The following PML variants were observed in gnomAD, a reference collection of about 807,000 sequenced individuals.
PML encodes the protein protein PML.
Under a neutral mutation model 65.2 loss-of-function variants are expected in PML, and 28 were observed. The ratio of observed to expected loss-of-function variants is 0.43; its 90% confidence interval spans 0.32 to 0.59. The LOEUF is 0.59. Among genes scored for constraint, PML ranks in the 20% least tolerant of loss-of-function variants. PML has a pLI of 0.08. For missense variants in PML, 1,021 were observed against 1,203.4 expected (o/e 0.85, Z 2.24); for synonymous variants, 500 against 508.8 (o/e 0.98, Z 0.23).
chr15:74,025,092 A>G lies in PML; in HGVS notation c.1254+165A>G, dbSNP rs1595904348. The G allele has an allele frequency of 6.3e-6, 4 of 637,742 alleles. No homozygotes were observed. The East Asian group carries it at 1.1e-4, about 18-fold the overall frequency. The allele number at this position is 637,742 out of a possible 1,614,324, so 39.5% of individuals were successfully genotyped here. ...AGGAAGTAAAGGAAGACATTAAAGAAGGGTTGGCTGGCTAGCTGGCTCTGA... is the reference window on the plus strand; with the variant it reads ...AGGAAGTAAAGGAAGACATTAAAGAGGGGTTGGCTGGCTAGCTGGCTCTGA... On this transcript the variant is annotated intron_variant, in intron 4 of 8. Coordinates refer to ENST00000268058, the MANE Select transcript of PML (RefSeq NM_033238.3).
intron 2 of PML, among the ~76,000 whole-genome samples, chr15:74,020,591 T>A (rs1006550782): frequency 6.6e-6 from 1 of 152,192 alleles, no homozygotes; most frequent in Admixed American, 6.5e-5. Flanking sequence ...GGTTTTTATA[T>A]TTTCTTTCGC....
intron 7 of PML, chr15:74,036,104 G>A: frequency 6.2e-7 from 1 of 1,613,240 alleles, no homozygotes; most frequent in Non-Finnish European, 8.5e-7. Context: ...GCTATGCATG[G>A]ACCTCTGGGC....
chr15:74,045,130 C>A lies in PML; in HGVS notation c.*122C>A. The A allele has an allele frequency of 1.1e-6, 1 of 899,194 alleles. No homozygotes were observed. The highest frequency in any genetic ancestry group is 1.7e-6 in the Non-Finnish European group (1 of 605,040). The allele number at this position is 899,194 out of a possible 1,614,324, so 55.7% of individuals were successfully genotyped here. A position where few individuals can be genotyped will look rare whatever the true frequency, so the allele number is the denominator to read the frequency against. On this transcript the variant is annotated 3_prime_UTR_variant, in exon 9 of 9. Transcript: ENST00000268058. ...CCCAGCCCTCAGTTGTCATTTGGTT[C>A]AGAATCAGTTCCCTTTCTCTGGGAC... is the stretch of plus-strand genomic sequence containing the variant.
In PML at chr15:74,035,907, C is replaced by A. The variant is rs1377238602; in HGVS notation, c.1710+1377C>A. On this transcript the variant is annotated intron_variant, in intron 7 of 8. Transcript: ENST00000268058. The surrounding 1 kb of genome is among the most constrained non-coding windows in gnomAD (Gnocchi z 4.1). ...CCCACCACCCTGTGCCCCAGAAAGG[C>A]CCCCCATCAGCCCAGTCCCAGGCGC... The A allele has an allele frequency of 6.2e-7, 1 of 1,613,614 alleles. No individual in the cohort carries two copies. Among genetic ancestry groups the A allele is most frequent in the African/African-American group, 1.3e-5 (1 of 74,900 alleles).
rs970817668 is a variant in PML at position 74,004,128 on chromosome 15, G to A, written c.602+5652G>A. Among the ~76,000 whole-genome samples, 4 of 151,960 alleles carry A rather than the reference G, an allele frequency of 2.6e-5. 1 individual carries two copies. The highest frequency in any genetic ancestry group is 4.8e-5 in the African/African-American group (2 of 41,368). ...TTATTTTTATTTATTTTACTTTTTA[G>A]AGATGGGGTCTCACTCTGTCACCCA... On this transcript the variant is annotated intron_variant, in intron 2 of 8. Transcript: ENST00000268058.
At chr15:74,010,795 GAT>G (rs1228769253) in intron 2 of PML, among the ~76,000 whole-genome samples, 1 of 152,192 alleles carries the variant, frequency 6.6e-6, no homozygotes, top group African/African-American at 2.4e-5. Context: ...GGTCCCAGAA[GAT>G]ACGTTCAGAT....
chr15:74,002,429 ACCTT>A (rs1475196551), intron 2 of PML, among the ~76,000 whole-genome samples: 1 of 137,416 alleles, frequency 7.3e-6, no homozygotes, highest in Admixed American at 7.5e-5. Flanking sequence ...GAAACTTTCT[ACCTT>A]TCTTTCTTTT....
intron 2 of PML, among the ~76,000 whole-genome samples, chr15:74,009,474 T>C (rs889354286): frequency 2.0e-5 from 3 of 152,192 alleles, no homozygotes; most frequent in African/African-American, 7.2e-5. Flanking sequence ...ATGAAAGATG[T>C]GGACAATAAA....
Position 74,044,565 on chromosome 15 carries a change from A to T in PML, c.2206A>T (p.Arg736Ter), listed in dbSNP as rs777469680. ...LKNLAQTYLA[R>*]NMSERSAMAA... ...GAACCTGGCCCAGACCTACCTGGCG[A>T]GAAACATGAGCGAGCGCAGCGCCAT... is the stretch of plus-strand genomic sequence containing the variant. Residue 736 changes from arginine (R) to a stop codon, truncating the protein, a stop_gained, in exon 9 of 9, where the codon AGA becomes TGA. Transcript: ENST00000268058. LOFTEE classifies it low-confidence loss of function (END_TRUNC). 1 of 1,612,504 alleles carries T rather than the reference A, an allele frequency of 6.2e-7. No individual in the cohort carries two copies. Among genetic ancestry groups the T allele is most frequent in the Non-Finnish European group, 8.5e-7 (1 of 1,180,024 alleles).
chr15:74,036,620 CCT>C, intron 7 of PML, among the ~76,000 whole-genome samples: 1 of 152,132 alleles, frequency 6.6e-6, no homozygotes, highest in East Asian at 1.9e-4. Flanking sequence ...ATCCTCTGTC[CCT>C]CTCAGGGTGG....
Position 74,045,890 on chromosome 15 carries a change from T to C in PML, c.*882T>C, listed in dbSNP as rs2071765739. 1.3e-5 allele frequency: 3 copies of C among 232,150 alleles called. No individual in the cohort carries two copies. In the South Asian group the frequency reaches 5.4e-4, roughly 42 times the overall value. The allele number at this position is 232,150 out of a possible 1,614,324, so 14.4% of individuals were successfully genotyped here. A position where few individuals can be genotyped will look rare whatever the true frequency, so the allele number is the denominator to read the frequency against. ...ACCACAGGCCTCTGGAATCAGAATCTTCAGGGTGGGGCCCAGCAGTCTGTG... is the reference window on the plus strand; with the variant it reads ...ACCACAGGCCTCTGGAATCAGAATCCTCAGGGTGGGGCCCAGCAGTCTGTG... On this transcript the variant is annotated 3_prime_UTR_variant, in exon 9 of 9. Transcript: ENST00000268058.
chr15:74,004,816 C>T (rs1465981610), intron 2 of PML, among the ~76,000 whole-genome samples: 1 of 151,638 alleles, frequency 6.6e-6, no homozygotes, highest in African/African-American at 2.4e-5. Context: ...AAGCAGTTCT[C>T]ATGCCTCAGC....
chr15:74,023,330 G>A lies in PML; in HGVS notation c.1105G>A (p.Ala369Thr), dbSNP rs1267279902. The part of the protein sequence containing the change: ...LRQEEPQSLQ[A>T]AVRTDGFDEF... ...CCAGGAGGAGCCCCAGAGCCTGCAAGCTGCCGTGCGCACCGATGGCTTCGA... is the reference window on the plus strand; with the variant it reads ...CCAGGAGGAGCCCCAGAGCCTGCAAACTGCCGTGCGCACCGATGGCTTCGA... The change falls in exon 3 of 9, where the codon GCT becomes ACT. Residue 369 changes from alanine to threonine, a missense_variant. Ala to Thr is a moderately conservative substitution (Grantham distance 58). Coordinates refer to ENST00000268058, the MANE Select transcript of PML (RefSeq NM_033238.3). 1 of 1,606,196 alleles carries A rather than the reference G, an allele frequency of 6.2e-7. No individual in the cohort carries two copies. The highest frequency in any genetic ancestry group is 8.5e-7 in the Non-Finnish European group (1 of 1,179,852).
At chr15:74,020,008 G>C (rs2070763603) in intron 2 of PML, among the ~76,000 whole-genome samples, 1 of 152,200 alleles carries the variant, frequency 6.6e-6, no homozygotes, top group East Asian at 1.9e-4. Context: ...ATATCATCTT[G>C]TTATGTGTAG....
In PML at chr15:74,046,885, G is replaced by A; in HGVS notation, c.*1877G>A. On this transcript the variant is annotated 3_prime_UTR_variant, in exon 9 of 9. Transcript: ENST00000268058. Reference sequence around the variant, plus strand: ...GCATAGGCTTGTGGCCACTTGCCCAGCACAACTGTGTTTTGTGGGGCGTCT... The same window carrying A: ...GCATAGGCTTGTGGCCACTTGCCCAACACAACTGTGTTTTGTGGGGCGTCT... 2 of 230,608 alleles carry A rather than the reference G, an allele frequency of 8.7e-6. No homozygotes were observed. The highest frequency in any genetic ancestry group is 8.6e-6 in the Non-Finnish European group (1 of 116,350). The allele number at this position is 230,608 out of a possible 1,614,324, so 14.3% of individuals were successfully genotyped here. A position where few individuals can be genotyped will look rare whatever the true frequency, so the allele number is the denominator to read the frequency against.
At chr15:74,039,324 T>C (rs2071646057) in intron 7 of PML, among the ~76,000 whole-genome samples, 1 of 152,198 alleles carries the variant, frequency 6.6e-6, no homozygotes, top group African/African-American at 2.4e-5. Context: ...ACTCATAACA[T>C]GTGCAGTATT....
chr15:74,023,304 G>T lies in PML; in HGVS notation c.1079G>T (p.Arg360Leu). ...CTGCGCCAGGCGCTCTGCCGCCTGCGCCAGGAGGAGCCCCAGAGCCTGCAA... is the reference window on the plus strand; with the variant it reads ...CTGCGCCAGGCGCTCTGCCGCCTGCTCCAGGAGGAGCCCCAGAGCCTGCAA... Reference protein sequence around the residue: ...GFLRQALCRLRQEEPQSLQAA... With the variant: ...GFLRQALCRLLQEEPQSLQAA... Residue 360 changes from arginine to leucine, a missense_variant, in exon 3 of 9, where the codon CGC becomes CTC. Arg to Leu is a moderately radical substitution (Grantham distance 102). Transcript: ENST00000268058. 6.2e-7 allele frequency: 1 copy of T among 1,608,818 alleles called. No individual in the cohort carries two copies.
intron 6 of PML, chr15:74,034,206 AG>A (rs2071440203): frequency 3.8e-6 from 2 of 530,314 alleles, no homozygotes; most frequent in South Asian, 2.0e-5. Context: ...CCTCCTGTAC[AG>A]GGGGCAAATT....
At chr15:74,033,582 CACA>C in intron 6 of PML, 168 bp downstream of exon 6, 1 of 773,642 alleles carries the variant, frequency 1.3e-6, no homozygotes, top group Non-Finnish European at 2.2e-6. Context: ...TGAGAGTGGA[CACA>C]GTTTACCATG....
Sources: allele counts gnomAD v4.1 joint callset (sites outside exome capture counted in the v4.1 genomes callset), GRCh38; gene constraint gnomAD v4.1.1; non-coding constraint Gnocchi (gnomAD v3.1); transcripts MANE v1.5; gene names NCBI Gene and HGNC (gene_info 2026-07-23, HGNC 2026-07-21).